Variants in DNAH2 observed in about 807,000 individuals in gnomAD.
The protein encoded by DNAH2 is dynein axonemal heavy chain 2.
Under a neutral mutation model 523.5 loss-of-function variants are expected in DNAH2, and 323 were observed. That is an observed-to-expected ratio of 0.62 (90% confidence interval 0.56 to 0.68). The LOEUF (loss-of-function observed/expected upper bound fraction) is 0.68, where lower values mean the gene tolerates loss of function less well. DNAH2 is among the 30% of genes least tolerant of loss of function. DNAH2 has a pLI of 0.00. For synonymous variants in DNAH2, 2,093 were observed against 2,177.4 expected (o/e 0.96, Z 1.08); for missense variants, 4,907 against 5,701.5 (o/e 0.86, Z 4.49).
chr17:7,833,269 G>C, intron 85 of DNAH2, 48 bp downstream of exon 85: 3 of 1,607,036 alleles, frequency 1.9e-6, no homozygotes, highest in Non-Finnish European at 2.5e-6. Context: ...CCCTAGTTTG[G>C]AACTTAACCC....
In DNAH2 at chr17:7,758,949, T is replaced by A; in HGVS notation, c.2273T>A (p.Met758Lys). 1 of 1,614,124 alleles carries A rather than the reference T, an allele frequency of 6.2e-7. No homozygotes were observed. The highest frequency in any genetic ancestry group is 8.5e-7 in the Non-Finnish European group (1 of 1,180,014). Residue 758 changes from methionine to lysine, a missense_variant, in exon 15 of 86, where the codon ATG (methionine) becomes AAG (lysine). This residue lies in a region of DNAH2 where 2,806 missense variants were observed against 3,190.8 expected (regional missense o/e 0.88). Coordinates refer to ENST00000572933, the MANE Select transcript of DNAH2 (RefSeq NM_020877.5). ...TLTIGWRAQE[M>K]SEKLLVRISG... ...ACCATTGGCTGGCGAGCCCAAGAGA[T>A]GTCAGAGAAGCTGCTGGTACGCATT...
intron 4 of DNAH2, among the ~76,000 whole-genome samples, chr17:7,731,529 A>C (rs2074988341): frequency 6.6e-6 from 1 of 151,944 alleles, no homozygotes; most frequent in African/African-American, 2.4e-5. Flanking sequence ...TTTAAAAATA[A>C]TGATTTTAAT....
At chr17:7,810,982 A>G (rs921169198) in intron 63 of DNAH2, among the ~76,000 whole-genome samples, 2 of 152,218 alleles carry the variant, frequency 1.3e-5, no homozygotes, top group African/African-American at 4.8e-5. Flanking sequence ...AGTGGCGTAG[A>G]TAGGGCCCCA....
At chr17:7,741,277 T>C (rs1186054080) in intron 11 of DNAH2, among the ~76,000 whole-genome samples, 24 of 55,380 alleles carry the variant, frequency 4.3e-4, no homozygotes, top group East Asian at 2.1e-3. Flanking sequence ...TTTCTTTCTT[T>C]CTTTCTTTCT....
intron 21 of DNAH2, 23 bp downstream of exon 21, chr17:7,765,588 C>G: frequency 1.3e-6 from 2 of 1,599,416 alleles, no homozygotes; most frequent in Non-Finnish European, 1.7e-6. Context: ...CCACCTCTCC[C>G]GCTTCTTTAG....
rs535794134 is a variant in DNAH2 at position 7,808,468 on chromosome 17, A to C, written c.9729+882A>C. 2.6e-5 allele frequency among the ~76,000 whole-genome samples: 4 copies of C among 152,208 alleles called. No homozygotes were observed. In the South Asian group the frequency reaches 8.3e-4, roughly 32 times the overall value. On this transcript the variant is annotated intron_variant, in intron 63 of 85. Transcript: ENST00000572933. ...AAAAAATTCAAAATTCTTCCAGTTTATCATTTGATTTTTTAAATGATTGAT... is the reference window on the plus strand; with the variant it reads ...AAAAAATTCAAAATTCTTCCAGTTTCTCATTTGATTTTTTAAATGATTGAT...
intron 31 of DNAH2, among the ~76,000 whole-genome samples, chr17:7,776,490 T>G (rs1369281933): frequency 6.6e-6 from 1 of 151,184 alleles, no homozygotes; most frequent in African/African-American, 2.4e-5. Context: ...AAGAAAGAAA[T>G]GAAGAAATGA....
At chr17:7,830,217 C>T in intron 77 of DNAH2, 83 bp from the exon 78 acceptor site, 1 of 1,447,190 alleles carries the variant, frequency 6.9e-7, no homozygotes, top group Non-Finnish European at 9.4e-7. Flanking sequence ...CAATGAAGAA[C>T]CTCCACAACT....
intron 33 of DNAH2, among the ~76,000 whole-genome samples, chr17:7,777,869 C>G (rs1437395690): frequency 6.6e-6 from 1 of 152,168 alleles, no homozygotes; most frequent in African/African-American, 2.4e-5. Context: ...CTCCAGGCAG[C>G]TGCTGCATTG....
At position 7,740,423 on chromosome 17, in the gene DNAH2, C is replaced by A; in HGVS notation, c.1380C>A (p.Phe460Leu). 2 of 1,614,126 alleles carry A rather than the reference C, an allele frequency of 1.2e-6. No individual in the cohort carries two copies. Among genetic ancestry groups the A allele is most frequent in the South Asian group, 1.1e-5 (1 of 91,084 alleles). Residue 460 changes from phenylalanine (F) to leucine (L), a missense_variant, in exon 10 of 86, where the codon TTC becomes TTA. Coordinates refer to ENST00000572933, the MANE Select transcript of DNAH2 (RefSeq NM_020877.5). ...ACATGCCTCTCCACCGGTGCAGGTT[C>A]CGTGCCGGAATCAAGGACCTGGAGG... ...NTCWHEDYNK[F>L]RAGIKDLEVM...
chr17:7,816,807 T>G, intron 64 of DNAH2, 72 bp downstream of exon 64: 1 of 1,564,510 alleles, frequency 6.4e-7, no homozygotes, highest in Non-Finnish European at 8.7e-7. Flanking sequence ...CCCTTTTAGC[T>G]TGAGGAGCAG....
intron 2 of DNAH2, among the ~76,000 whole-genome samples, chr17:7,721,323 G>A (rs983141471): frequency 2.6e-5 from 4 of 152,118 alleles, no homozygotes; most frequent in Non-Finnish European, 5.9e-5. Context: ...ACAGGCGTGT[G>A]CCACCACACC....
chr17:7,763,695 G>A, intron 18 of DNAH2, 136 bp from the exon 19 acceptor site: 3 of 954,860 alleles, frequency 3.1e-6, no homozygotes, highest in Non-Finnish European at 4.8e-6. Context: ...AATGAGGGAT[G>A]CCTGGGAGTA....
intron 66 of DNAH2, 39 bp from the exon 67 acceptor site, chr17:7,817,751 G>A (rs970273671): frequency 8.7e-6 from 14 of 1,614,134 alleles, no homozygotes; most frequent in Admixed American, 8.3e-5. Context: ...GGGAGCATGG[G>A]AGAGAGGGCC....
In DNAH2 at chr17:7,821,117, G is replaced by A. The variant is rs532905783; in HGVS notation, c.11016-126G>A. 7 of 1,344,508 alleles carry A rather than the reference G, an allele frequency of 5.2e-6. No individual in the cohort carries two copies. The highest frequency in any genetic ancestry group is 7.0e-6 in the Non-Finnish European group (7 of 1,002,250). 83.3% of individuals were successfully genotyped at this position (1,344,508 alleles called of 1,614,324 possible). ...CCTGAGTCCTCAGCTGTTTCCAGGA[G>A]GTTAGGATTAGAGGCTGGTGAGGTC... On this transcript the variant is annotated intron_variant, in intron 72 of 85. Transcript: ENST00000572933. The surrounding 1 kb of genome is among the most constrained non-coding windows in gnomAD (Gnocchi z 5.0).
In DNAH2 at chr17:7,777,504, G is replaced by A. The variant is rs139730144; in HGVS notation, c.5117G>A (p.Arg1706Gln). ...AIRGNLTKIM[R>Q]LKIVALVTIE... ...AGGGGGAACTTGACCAAGATCATGCGGCTTAAAATTGTGGCTCTGGTGACG... is the reference window on the plus strand; with the variant it reads ...AGGGGGAACTTGACCAAGATCATGCAGCTTAAAATTGTGGCTCTGGTGACG... The change falls in exon 33 of 86, where the codon CGG (arginine) becomes CAG (glutamine). Residue 1706 changes from arginine to glutamine, a missense_variant. By Grantham distance (43) the Arg-to-Gln change is conservative. This residue lies in a region of DNAH2 where 2,806 missense variants were observed against 3,190.8 expected (regional missense o/e 0.88). Coordinates refer to ENST00000572933, the MANE Select transcript of DNAH2 (RefSeq NM_020877.5). 3.7e-5 allele frequency: 60 copies of A among 1,614,142 alleles called. No homozygotes were observed. The African/African-American group carries it at 6.7e-4, about 18-fold the overall frequency.
At chr17:7,757,039 T>C in intron 12 of DNAH2, 52 bp from the exon 13 acceptor site, 1 of 1,605,854 alleles carries the variant, frequency 6.2e-7, no homozygotes, top group East Asian at 2.2e-5. Flanking sequence ...ATTGTTGCTC[T>C]AGTTTATCCC....
rs936663032 is a variant in DNAH2 at position 7,821,391 on chromosome 17, T to C, written c.11142+22T>C. 2 of 1,607,206 alleles carry C rather than the reference T, an allele frequency of 1.2e-6. No individual in the cohort carries two copies. The highest frequency in any genetic ancestry group is 1.3e-5 in the African/African-American group (1 of 74,856). ...TGTGGTGAGTTGGGCAGAGAGCACA[T>C]CCCAGGATGGGATGGTCAAGGTTGG... On this transcript the variant is annotated intron_variant, in intron 73 of 85. Coordinates refer to ENST00000572933, the MANE Select transcript of DNAH2 (RefSeq NM_020877.5). The surrounding 1 kb of genome is among the most constrained non-coding windows in gnomAD (Gnocchi z 5.0).
At chr17:7,814,287 C>CCTT (rs3039718) in intron 63 of DNAH2, among the ~76,000 whole-genome samples, 130,020 of 151,246 alleles carry the variant, frequency 0.86, 57,005 homozygotes, top group Non-Finnish European at 0.94. Context: ...AGAAAAATGT[C>CCTT]ATTATTATTA....
Sources: allele counts gnomAD v4.1 joint callset (sites outside exome capture counted in the v4.1 genomes callset), GRCh38; gene constraint gnomAD v4.1.1; regional missense constraint gnomAD v4.1.1; non-coding constraint Gnocchi (gnomAD v3.1); transcripts MANE v1.5; gene names NCBI Gene and HGNC (gene_info 2026-07-23, HGNC 2026-07-21).